PECAM1: variants seen among roughly 807,000 people sequenced by gnomAD.
PECAM1 encodes platelet and endothelial cell adhesion molecule 1.
Under a neutral mutation model 13.8 loss-of-function variants are expected in PECAM1, and 8 were observed. The observed-to-expected ratio is 0.58, with a 90% CI of 0.34 to 1.05. The LOEUF is 1.05. PECAM1 is among the 50% of genes least tolerant of loss of function. PECAM1 has a pLI of 0.03. For synonymous variants in PECAM1, 136 were observed against 52.6 expected (o/e 2.58, Z -6.86); for missense variants, 304 against 141.2 (o/e 2.15, Z -5.84).
Position 64,322,708 on chromosome 17 carries a change from A to G in PECAM1, c.*1108T>C. 9 of 965,370 alleles carry G rather than the reference A, an allele frequency of 9.3e-6. No homozygotes were observed. Among genetic ancestry groups the G allele is most frequent in the Non-Finnish European group, 1.1e-5 (9 of 821,818 alleles). The allele number at this position is 965,370 out of a possible 1,614,324, so 59.8% of individuals were successfully genotyped here. ...GACCTCAGGAGACCACTTCTTTAGCAAGCAATTTTGTTTTTTGTTTTTTTT... is the reference window on the plus strand; with the variant it reads ...GACCTCAGGAGACCACTTCTTTAGCGAGCAATTTTGTTTTTTGTTTTTTTT... On this transcript the variant is annotated 3_prime_UTR_variant, in exon 16 of 16. Transcript: ENST00000563924.
intron 2 of PECAM1, among the ~76,000 whole-genome samples, chr17:64,388,761 G>T (rs1232615932): frequency 2.0e-5 from 3 of 152,142 alleles, no homozygotes; most frequent in Non-Finnish European, 4.4e-5. Context: ...CTGCCTCCTG[G>T]GTTCAAGCAA....
intron 13 of PECAM1, among the ~76,000 whole-genome samples, chr17:64,343,428 T>G (rs1207193269): frequency 6.6e-6 from 1 of 152,174 alleles, no homozygotes; most frequent in Non-Finnish European, 1.5e-5. Context: ...AGCATGTTGG[T>G]GACATTTGTC....
intron 13 of PECAM1, among the ~76,000 whole-genome samples, chr17:64,343,800 C>T (rs2143742151): frequency 6.6e-6 from 1 of 152,346 alleles, no homozygotes; most frequent in South Asian, 2.1e-4. Context: ...CCCTCACTCT[C>T]TTTCTGTGGC....
chr17:64,389,336 A>G (rs2036667351), intron 2 of PECAM1, among the ~76,000 whole-genome samples: 1 of 152,210 alleles, frequency 6.6e-6, no homozygotes, highest in Non-Finnish European at 1.5e-5. Context: ...GAGCCCCCTC[A>G]TTCATGTGGT....
At chr17:64,390,072 G>A (rs2036683471) in intron 2 of PECAM1, 1 of 168,102 alleles carries the variant, frequency 5.9e-6, no homozygotes, top group South Asian at 2.0e-4. Flanking sequence ...AAAAGAAAAT[G>A]TGTGCTACTT....
Position 64,329,926 on chromosome 17 carries a change from C to T in PECAM1, c.2165-204G>A, listed in dbSNP as rs191503160. Among the ~76,000 whole-genome samples, 456 of 152,170 alleles carry T rather than the reference C, an allele frequency of 3.0e-3. 2 individuals are homozygous for T. The highest frequency in any genetic ancestry group is 0.01 in the African/African-American group (425 of 41,526). On this transcript the variant is annotated intron_variant, in intron 14 of 15. Transcript: ENST00000563924. ...GGACCCTCTAGCTCCACATGACATG[C>T]GCATAAAGTCCCTGGCACTTCATTT...
intron 4 of PECAM1, among the ~76,000 whole-genome samples, chr17:64,371,008 A>T (rs1233875064): frequency 6.6e-6 from 1 of 152,212 alleles, no homozygotes; most frequent in Non-Finnish European, 1.5e-5. Context: ...AGGGGAAGGC[A>T]TCCTTTACAT....
At chr17:64,328,387 C>T (rs898962850) in intron 15 of PECAM1, among the ~76,000 whole-genome samples, 11 of 152,170 alleles carry the variant, frequency 7.2e-5, no homozygotes, top group African/African-American at 2.2e-4. Flanking sequence ...GAGGACTGGC[C>T]GCAGAGTATA....
At position 64,358,599 on chromosome 17, in the gene PECAM1, C is replaced by T. The variant is rs1008294216; in HGVS notation, c.1492+1541G>A. On this transcript the variant is annotated intron_variant, in intron 7 of 15. Coordinates refer to ENST00000563924, the MANE Select transcript of PECAM1 (RefSeq NM_000442.5). ...CTGACATACCCTAAATTACTATCAC[C>T]ATCACTGTAAGGATATAGTTCACGT... Among the ~76,000 whole-genome samples, 387 of 152,240 alleles carry T rather than the reference C, an allele frequency of 2.5e-3. 1 individual carries two copies. The highest frequency in any genetic ancestry group is 8.6e-3 in the African/African-American group (359 of 41,534).
intron 14 of PECAM1, among the ~76,000 whole-genome samples, chr17:64,336,235 C>T (rs1483503776): frequency 6.6e-6 from 1 of 150,590 alleles, no homozygotes; most frequent in African/African-American, 2.4e-5. Flanking sequence ...CACTGCACTC[C>T]AGCCTGGGTG....
intron 2 of PECAM1, among the ~76,000 whole-genome samples, chr17:64,388,260 C>T (rs914043329): frequency 3.3e-5 from 5 of 151,946 alleles, no homozygotes; most frequent in South Asian, 2.1e-4. Flanking sequence ...GACCCCAAAG[C>T]GTGAGTGTCT....
rs941642574 is a variant in PECAM1, at chr17:64,357,089, C to T, written c.1493-691G>A. Among the ~76,000 whole-genome samples, 73 of 152,288 alleles carry T rather than the reference C, an allele frequency of 4.8e-4. No individual in the cohort carries two copies. The East Asian group carries it at 0.013, about 27-fold the overall frequency. Reference sequence around the variant, plus strand: ...ATACTTCACTGTTGCCCAGGTCTTACTGTGGAACTCAGCTTTTTCTGGGCT... The same window carrying T: ...ATACTTCACTGTTGCCCAGGTCTTATTGTGGAACTCAGCTTTTTCTGGGCT... On this transcript the variant is annotated intron_variant, in intron 7 of 15. Transcript: ENST00000563924.
At chr17:64,324,535 G>T (rs2034892622) in intron 15 of PECAM1, among the ~76,000 whole-genome samples, 1 of 152,188 alleles carries the variant, frequency 6.6e-6, no homozygotes, top group Non-Finnish European at 1.5e-5. Flanking sequence ...CTTACCCACA[G>T]AAGAAGAAAG....
chr17:64,324,770 G>A (rs556054870), intron 15 of PECAM1, among the ~76,000 whole-genome samples: 1 of 152,286 alleles, frequency 6.6e-6, no homozygotes, highest in African/African-American at 2.4e-5. Flanking sequence ...ATGAAATAAG[G>A]CAGACATGAA....
intron 14 of PECAM1, among the ~76,000 whole-genome samples, chr17:64,336,078 A>G (rs1440245250): frequency 2.0e-5 from 3 of 152,002 alleles, no homozygotes; most frequent in African/African-American, 7.2e-5. Context: ...AGCCTGACCA[A>G]TATGGTGAAA....
At chr17:64,383,422 C>T (rs1421098406) in intron 2 of PECAM1, among the ~76,000 whole-genome samples, 22 of 151,718 alleles carry the variant, frequency 1.5e-4, no homozygotes, top group South Asian at 4.1e-4. Context: ...CAGAAGGGGC[C>T]GTGTATATAT....
At chr17:64,363,565 C>T (rs1364943251) in intron 5 of PECAM1, among the ~76,000 whole-genome samples, 168 bp from the exon 6 acceptor site, 1 of 152,172 alleles carries the variant, frequency 6.6e-6, no homozygotes. Context: ...CAGTAAGGAG[C>T]TAGGGTTCAT....
intron 2 of PECAM1, among the ~76,000 whole-genome samples, chr17:64,389,439 A>C (rs2036668907): frequency 6.6e-6 from 1 of 152,200 alleles, no homozygotes; most frequent in Admixed American, 6.5e-5. Flanking sequence ...AAAGATAGGC[A>C]GCACCCCACT....
chr17:64,342,988 C>G (rs1421118515), intron 13 of PECAM1, among the ~76,000 whole-genome samples: 1 of 151,954 alleles, frequency 6.6e-6, no homozygotes, highest in Non-Finnish European at 1.5e-5. Flanking sequence ...TACCCACCAA[C>G]CCTGAGGAAA....
Sources: gnomAD v4.1 joint callset for allele counts (sites outside exome capture counted in the v4.1 genomes callset) on GRCh38, gnomAD v4.1.1 for gene constraint, MANE v1.5 for transcripts, NCBI Gene and HGNC (gene_info 2026-07-23, HGNC 2026-07-21) for gene names.